TSPEAR: variants seen among roughly 807,000 people sequenced by gnomAD.
TSPEAR encodes thrombospondin type laminin G domain and EAR repeats, also known as thrombospondin-type laminin G domain and EAR repeat-containing protein.
TSPEAR carries 69 observed loss-of-function variants against 71.6 expected under a neutral mutation model. That is an observed-to-expected ratio of 0.96 (90% CI 0.79 to 1.18). The LOEUF (loss-of-function observed/expected upper bound fraction) is 1.18, where lower values mean the gene tolerates loss of function less well. TSPEAR is among the 50% of genes most tolerant of loss of function. The pLI, the probability that TSPEAR is intolerant of heterozygous loss-of-function variation, is 0.00. For synonymous variants in TSPEAR, 402 were observed against 387.2 expected, an observed-to-expected ratio of 1.04 and a Z score of -0.45; for missense variants, 971 against 894.9, an observed-to-expected ratio of 1.09 and a Z score of -1.09.
chr21:44,540,160 GGGA>G (rs782388261), intron 2 of TSPEAR: 1 of 1,610,784 alleles, frequency 6.2e-7, no homozygotes, highest in Non-Finnish European at 8.5e-7. Flanking sequence ...TGCTGGGGTG[GGGA>G]GGAGGTGAGC....
chr21:44,548,156 T>A (rs587639746), intron 2 of TSPEAR, among the ~76,000 whole-genome samples: 1 of 152,212 alleles, frequency 6.6e-6, no homozygotes, highest in Non-Finnish European at 1.5e-5. Flanking sequence ...TGTGTGTTAG[T>A]CCTTCAGGGA....
At chr21:44,627,635 G>C in intron 1 of TSPEAR, 1 of 1,610,312 alleles carries the variant, frequency 6.2e-7, no homozygotes, top group East Asian at 2.2e-5. Flanking sequence ...GCGCCCACCT[G>C]CTCTGAGGAT....
chr21:44,601,049 C>T (rs1980820419), intron 1 of TSPEAR: 1 of 1,612,332 alleles, frequency 6.2e-7, no homozygotes, highest in Non-Finnish European at 8.5e-7. Flanking sequence ...AGCTGCCAGT[C>T]AGCTTGCTGC....
intron 1 of TSPEAR, chr21:44,637,317 G>A (rs1165928106): frequency 3.5e-6 from 5 of 1,425,982 alleles, no homozygotes; most frequent in Admixed American, 4.2e-5. Flanking sequence ...ACAGGCCCTG[G>A]GCATATAAAA....
chr21:44,515,337 C>T (rs1208159707), intron 9 of TSPEAR, among the ~76,000 whole-genome samples: 4 of 152,350 alleles, frequency 2.6e-5, no homozygotes, highest in Non-Finnish European at 2.9e-5. Context: ...CTTCCCAGGG[C>T]CCTCCTAAGG....
At chr21:44,635,648 G>C (rs916488643) in intron 1 of TSPEAR, among the ~76,000 whole-genome samples, 2 of 152,016 alleles carry the variant, frequency 1.3e-5, no homozygotes, top group Admixed American at 6.6e-5. Context: ...AGTATTGGTT[G>C]CCAGGGGCTG....
rs75799438 is a variant in TSPEAR at position 44,666,571 on chromosome 21, C to G, written c.82+44862G>C. 3 of 1,602,184 alleles carry G rather than the reference C, an allele frequency of 1.9e-6. No homozygotes were observed. In the African/African-American group the frequency reaches 4.0e-5, roughly 21 times the overall value. On this transcript the variant is annotated intron_variant, in intron 1 of 11. Coordinates refer to ENST00000323084, the MANE Select transcript of TSPEAR (RefSeq NM_144991.3). ...ACGACAGGCCTGCAGCTCACAGGCA[C>G]GCACAGGGAGGACTGGCAGGAGGGG...
chr21:44,596,977 A>C (rs1323492783), intron 1 of TSPEAR, among the ~76,000 whole-genome samples: 1 of 152,124 alleles, frequency 6.6e-6, no homozygotes, highest in Admixed American at 6.5e-5. Flanking sequence ...GCAATTTAAA[A>C]ATTTTTACAT....
At chr21:44,530,312 C>T (rs1030740825) in intron 4 of TSPEAR, among the ~76,000 whole-genome samples, 1 of 152,100 alleles carries the variant, frequency 6.6e-6, no homozygotes, top group Non-Finnish European at 1.5e-5. Flanking sequence ...CATCACTAAT[C>T]CATCCATCCC....
At chr21:44,571,718 T>C (rs1326954445) in intron 1 of TSPEAR, among the ~76,000 whole-genome samples, 15 of 152,182 alleles carry the variant, frequency 9.9e-5, no homozygotes, top group Admixed American at 3.9e-4. Flanking sequence ...AGGGCCGAAG[T>C]TGGAACCACT....
chr21:44,528,697 C>CCTTCCAGGCCCGCA, intron 5 of TSPEAR, 114 bp from the exon 6 acceptor site: 1 of 1,375,438 alleles, frequency 7.3e-7, no homozygotes, highest in Non-Finnish European at 9.8e-7. Context: ...GCATGCGGGC[C>CCTTCCAGGCCCGCA]TGGAAGGGCC....
intron 1 of TSPEAR, among the ~76,000 whole-genome samples, chr21:44,708,155 G>T (rs1262579003): frequency 6.6e-6 from 1 of 152,132 alleles, no homozygotes; most frequent in African/African-American, 2.4e-5. Flanking sequence ...ATGCATTGGG[G>T]GTAACAGGCT....
Position 44,558,615 on chromosome 21 carries a change from GT to G in TSPEAR, c.303+9169del, listed in dbSNP as rs782651873. On this transcript the variant is annotated intron_variant, in intron 2 of 11. Transcript: ENST00000323084. ...GCAGGGGGCCGGGGCGCAGCAGCTGGTGGCGCAGCAGGGGGGCTCACAGCAG... is the reference window on the plus strand; with the variant it reads ...GCAGGGGGCCGGGGCGCAGCAGCTGGGGCGCAGCAGGGGGGCTCACAGCAG... 6.8e-6 allele frequency: 11 copies of G among 1,606,172 alleles called. No homozygotes were observed. The African/African-American group carries it at 1.3e-4, about 20-fold the overall frequency.
intron 1 of TSPEAR, among the ~76,000 whole-genome samples, chr21:44,625,331 G>A (rs978724473): frequency 2.6e-5 from 4 of 152,186 alleles, no homozygotes; most frequent in African/African-American, 7.2e-5. Flanking sequence ...GGTGGCTTAC[G>A]CCTGTAGTCC....
At chr21:44,684,576 G>C (rs1555948656) in intron 1 of TSPEAR, among the ~76,000 whole-genome samples, 2 of 152,236 alleles carry the variant, frequency 1.3e-5, no homozygotes, top group East Asian at 3.8e-4. Context: ...TCTGTTCAGA[G>C]GAACAAAAGC....
At chr21:44,694,962 AG>A (rs1987269681) in intron 1 of TSPEAR, among the ~76,000 whole-genome samples, 1 of 152,190 alleles carries the variant, frequency 6.6e-6, no homozygotes, top group Admixed American at 6.5e-5. Context: ...CAGAGCATGG[AG>A]GGTCTCCCCT....
intron 1 of TSPEAR, chr21:44,686,418 G>T: frequency 6.5e-6 from 1 of 154,544 alleles, no homozygotes; most frequent in South Asian, 1.9e-4. Flanking sequence ...CCAGGGCTGT[G>T]GGACCTCCTG....
intron 1 of TSPEAR, among the ~76,000 whole-genome samples, chr21:44,708,732 T>C (rs1437444331): frequency 2.6e-5 from 4 of 151,798 alleles, no homozygotes; most frequent in Non-Finnish European, 5.9e-5. Context: ...CCCCGAATGC[T>C]GCTCCCTGAG....
intron 1 of TSPEAR, among the ~76,000 whole-genome samples, chr21:44,643,239 G>T (rs587609127): frequency 1.3e-5 from 2 of 152,186 alleles, no homozygotes; most frequent in South Asian, 4.1e-4. Flanking sequence ...GTAGAATGGG[G>T]ATTCGAGGGC....
Sources: gnomAD v4.1 joint callset for allele counts (sites outside exome capture counted in the v4.1 genomes callset) on GRCh38, gnomAD v4.1.1 for gene constraint, MANE v1.5 for transcripts, NCBI Gene and HGNC (gene_info 2026-07-23, HGNC 2026-07-21) for gene names.